The following BRINP3 variants were observed in gnomAD, a reference collection of about 807,000 sequenced individuals.
The protein encoded by BRINP3 is BMP/retinoic acid inducible neural specific 3.
In BRINP3, 19 loss-of-function variants were observed where a neutral mutation model predicts 71.0. The ratio of observed to expected loss-of-function variants is 0.27; its 90% confidence interval spans 0.19 to 0.39. The LOEUF is 0.39. Ranked by LOEUF, BRINP3 falls within the 10% of genes least tolerant of loss-of-function variation. The probability of loss-of-function intolerance (pLI) is 1.00; values close to 1 mark genes in which losing one functional copy is unlikely to be tolerated. For missense variants in BRINP3, 959 were observed against 940.8 expected (o/e 1.02, Z -0.25); for synonymous variants, 380 against 337.7 (o/e 1.13, Z -1.37).
intron 6 of BRINP3, among the ~76,000 whole-genome samples, chr1:190,220,055 G>GA (rs997805363): frequency 2.0e-5 from 3 of 151,866 alleles, no homozygotes; most frequent in African/African-American, 7.3e-5. Flanking sequence ...AATAAATAAT[G>GA]AAAAACTGTG....
At chr1:190,351,115 C>T (rs1668358030) in intron 2 of BRINP3, among the ~76,000 whole-genome samples, 1 of 151,944 alleles carries the variant, frequency 6.6e-6, no homozygotes, top group Non-Finnish European at 1.5e-5. Context: ...TCAAGTTCAC[C>T]TTTTTTGGTA....
intron 2 of BRINP3, among the ~76,000 whole-genome samples, chr1:190,429,325 A>C (rs2102497744): frequency 6.6e-6 from 1 of 152,300 alleles, no homozygotes. Context: ...TGTTTTTAAT[A>C]AATTGTGGTT....
intron 2 of BRINP3, among the ~76,000 whole-genome samples, chr1:190,375,822 G>A (rs1317239323): frequency 1.3e-5 from 2 of 151,732 alleles, no homozygotes; most frequent in Non-Finnish European, 2.9e-5. Context: ...AACATTACTG[G>A]TTTTCACTAT....
chr1:190,258,746 GA>G (rs1389032495), intron 4 of BRINP3, among the ~76,000 whole-genome samples: 1 of 152,142 alleles, frequency 6.6e-6, no homozygotes, highest in Non-Finnish European at 1.5e-5. Flanking sequence ...TTATCACATA[GA>G]ATATGAAGGT....
intron 6 of BRINP3, among the ~76,000 whole-genome samples, chr1:190,191,861 G>T (rs923418284): frequency 1.3e-5 from 2 of 151,904 alleles, no homozygotes; most frequent in African/African-American, 4.8e-5. Flanking sequence ...TTTCAACATT[G>T]CTCCCCAATT....
chr1:190,289,712 T>C (rs978912367), intron 2 of BRINP3, among the ~76,000 whole-genome samples: 1 of 151,998 alleles, frequency 6.6e-6, no homozygotes, highest in Admixed American at 6.6e-5. Flanking sequence ...TTTGGGGATT[T>C]ATATAATATA....
intron 4 of BRINP3, among the ~76,000 whole-genome samples, chr1:190,259,451 A>C (rs1364663565): frequency 6.6e-6 from 1 of 151,616 alleles, no homozygotes; most frequent in Non-Finnish European, 1.5e-5. Context: ...TGTAAAAAAC[A>C]CTCACCAAGC....
At chr1:190,356,880 T>C (rs1198573096) in intron 2 of BRINP3, among the ~76,000 whole-genome samples, 1 of 152,014 alleles carries the variant, frequency 6.6e-6, no homozygotes, top group Non-Finnish European at 1.5e-5. Context: ...TTAATAAATA[T>C]GTGGTTGACT....
intron 7 of BRINP3, among the ~76,000 whole-genome samples, chr1:190,129,645 A>G (rs1490166151): frequency 6.6e-6 from 1 of 152,012 alleles, no homozygotes; most frequent in Non-Finnish European, 1.5e-5. Flanking sequence ...AGATGATGTT[A>G]GCAAACAAAG....
intron 6 of BRINP3, among the ~76,000 whole-genome samples, chr1:190,184,999 C>A (rs1653385900): frequency 6.6e-6 from 1 of 152,068 alleles, no homozygotes; most frequent in African/African-American, 2.4e-5. Context: ...AGCTTTAAAA[C>A]TCTTAAAAGA....
At chr1:190,379,997 CAAA>C (rs34329313) in intron 2 of BRINP3, among the ~76,000 whole-genome samples, 47 of 100,878 alleles carry the variant, frequency 4.7e-4, no homozygotes, top group African/African-American at 1.7e-3. Flanking sequence ...GACTCCACCT[CAAA>C]AAAAAAAAAA....
chr1:190,286,791 T>A (rs757737584), intron 2 of BRINP3, among the ~76,000 whole-genome samples: 1 of 152,110 alleles, frequency 6.6e-6, no homozygotes, highest in Non-Finnish European at 1.5e-5. Context: ...ACAAATTAAC[T>A]TGCCAAACTT....
At chr1:190,419,087 C>A (rs569993907) in intron 2 of BRINP3, among the ~76,000 whole-genome samples, 1 of 152,066 alleles carries the variant, frequency 6.6e-6, no homozygotes, top group East Asian at 1.9e-4. Context: ...ACTTGTCTAA[C>A]AAAGCAAGCA....
chr1:190,432,450 C>CT (rs1482598255), intron 2 of BRINP3, among the ~76,000 whole-genome samples: 1 of 152,146 alleles, frequency 6.6e-6, no homozygotes, highest in Non-Finnish European at 1.5e-5. Flanking sequence ...TCACACAATA[C>CT]AAAAGTGAAA....
At chr1:190,306,133 A>G (rs1665080189) in intron 2 of BRINP3, among the ~76,000 whole-genome samples, 1 of 151,902 alleles carries the variant, frequency 6.6e-6, no homozygotes, top group African/African-American at 2.4e-5. Context: ...GCATCTATAA[A>G]TACAATCATC....
chr1:190,445,943 C>T (rs1170602184), intron 2 of BRINP3, among the ~76,000 whole-genome samples: 3 of 151,844 alleles, frequency 2.0e-5, no homozygotes, highest in Non-Finnish European at 4.4e-5. Flanking sequence ...TTTATTTTGT[C>T]ATTATAATAG....
At chr1:190,262,487 G>C (rs774746222) in intron 4 of BRINP3, among the ~76,000 whole-genome samples, 2 of 152,044 alleles carry the variant, frequency 1.3e-5, no homozygotes, top group Non-Finnish European at 2.9e-5. Context: ...GCACAAGATG[G>C]GTACTTCTGT....
At chr1:190,382,219 A>C (rs963833468) in intron 2 of BRINP3, among the ~76,000 whole-genome samples, 1 of 152,080 alleles carries the variant, frequency 6.6e-6, no homozygotes, top group African/African-American at 2.4e-5. Context: ...ACTTCCAAAG[A>C]GACTTAAGAT....
chr1:190,165,058 A>T (rs548965316), intron 6 of BRINP3, among the ~76,000 whole-genome samples: 3 of 152,254 alleles, frequency 2.0e-5, no homozygotes, highest in Admixed American at 2.0e-4. Context: ...CAACAGTTTC[A>T]GTACAATGAT....
Sources: allele counts gnomAD v4.1 joint callset (sites outside exome capture counted in the v4.1 genomes callset), GRCh38; gene constraint gnomAD v4.1.1; transcripts MANE v1.5; gene names NCBI Gene and HGNC (gene_info 2026-07-23, HGNC 2026-07-21).